Variants in EPHA5 observed in about 807,000 individuals in gnomAD.
EPHA5 encodes the protein EPH receptor A5.
EPHA5 carries 60 observed loss-of-function variants against 105.0 expected under a neutral mutation model. The observed-to-expected ratio is 0.57, with a 90% CI of 0.46 to 0.71. The LOEUF is 0.71. EPHA5 is among the 30% of genes least tolerant of loss of function. The probability of loss-of-function intolerance (pLI) is 0.00; values close to 1 mark genes in which losing one functional copy is unlikely to be tolerated. For synonymous variants in EPHA5, 513 were observed against 449.1 expected (o/e 1.14, Z -1.80); for missense variants, 1,218 against 1,274.7 (o/e 0.96, Z 0.68).
chr4:65,506,075 C>T (rs1040776438), intron 3 of EPHA5, among the ~76,000 whole-genome samples: 1 of 152,088 alleles, frequency 6.6e-6, no homozygotes, highest in African/African-American at 2.4e-5. Flanking sequence ...TGTACAATTC[C>T]CACCTATGAG....
intron 2 of EPHA5, among the ~76,000 whole-genome samples, chr4:65,621,588 C>T (rs1310527488): frequency 6.6e-6 from 1 of 151,938 alleles, no homozygotes; most frequent in Admixed American, 6.6e-5. Context: ...TTTTGTAGAA[C>T]AAATAAATGA....
intron 2 of EPHA5, among the ~76,000 whole-genome samples, chr4:65,620,861 A>T (rs1232362828): frequency 3.9e-5 from 6 of 152,164 alleles, no homozygotes; most frequent in Admixed American, 3.9e-4. Flanking sequence ...AATTTCCCAT[A>T]TGCTTTTTCC....
intron 3 of EPHA5, among the ~76,000 whole-genome samples, chr4:65,570,594 G>T (rs531137296): frequency 1.3e-5 from 2 of 151,404 alleles, no homozygotes; most frequent in East Asian, 1.9e-4. Flanking sequence ...GTTACTCTAG[G>T]ATAAAAAAAG....
In EPHA5 at chr4:65,670,039, T is replaced by C; in HGVS notation, c.-297A>G. 5.3e-6 allele frequency: 2 copies of C among 380,944 alleles called. No individual in the cohort carries two copies. Among genetic ancestry groups the C allele is most frequent in the East Asian group, 3.9e-5 (1 of 25,818 alleles). 23.6% of individuals were successfully genotyped at this position (380,944 alleles called of 1,614,324 possible). On this transcript the variant is annotated 5_prime_UTR_variant, in exon 1 of 17. Coordinates refer to ENST00000613740, the MANE Select transcript of EPHA5 (RefSeq NM_001281766.3). Reference sequence around the variant, plus strand: ...CGAGAGGGTCCTGGGTCCTGTTCCTTTGCCTTTCAAAAAGACTTTTTACGG... The same window carrying C: ...CGAGAGGGTCCTGGGTCCTGTTCCTCTGCCTTTCAAAAAGACTTTTTACGG...
At chr4:65,528,456 T>C (rs1008428743) in intron 3 of EPHA5, among the ~76,000 whole-genome samples, 1 of 151,980 alleles carries the variant, frequency 6.6e-6, no homozygotes, top group South Asian at 2.1e-4. Context: ...CCTCCTATCC[T>C]TAAGAGAAAA....
At chr4:65,558,759 T>G (rs751398024) in intron 3 of EPHA5, among the ~76,000 whole-genome samples, 6 of 152,080 alleles carry the variant, frequency 3.9e-5, no homozygotes, top group Non-Finnish European at 7.4e-5. Flanking sequence ...TTACAAAAAA[T>G]AGAAAATAAT....
chr4:65,328,202 G>C (rs1720264322), intron 16 of EPHA5, among the ~76,000 whole-genome samples: 1 of 150,968 alleles, frequency 6.6e-6, no homozygotes, highest in Non-Finnish European at 1.5e-5. Flanking sequence ...AACATGACGA[G>C]ACTAGCATTG....
chr4:65,638,194 C>A (rs2149504619), intron 2 of EPHA5, among the ~76,000 whole-genome samples: 1 of 152,154 alleles, frequency 6.6e-6, no homozygotes, highest in African/African-American at 2.4e-5. Context: ...ATTTATAAGG[C>A]ATTTTGAATT....
At chr4:65,654,519 A>G (rs931179244) in intron 1 of EPHA5, among the ~76,000 whole-genome samples, 2 of 151,648 alleles carry the variant, frequency 1.3e-5, no homozygotes, top group Admixed American at 6.6e-5. Flanking sequence ...ATTATCATTC[A>G]GTCTTCTAAT....
intron 3 of EPHA5, among the ~76,000 whole-genome samples, chr4:65,533,941 AT>A (rs1736059574): frequency 7.7e-6 from 1 of 130,362 alleles, no homozygotes; most frequent in Non-Finnish European, 1.7e-5. Context: ...TCAAAAAAAA[AT>A]AAATAAATAA....
Position 65,645,515 on chromosome 4 carries a change from A to C in EPHA5, c.182-2088T>G, listed in dbSNP as rs10003967. Among the ~76,000 whole-genome samples the C allele has an allele frequency of 2.1e-3, 320 of 152,276 alleles. 1 individual carries two copies. Among genetic ancestry groups the C allele is most frequent in the African/African-American group, 7.1e-3 (296 of 41,562 alleles). On this transcript the variant is annotated intron_variant, in intron 1 of 16. Coordinates refer to ENST00000613740, the MANE Select transcript of EPHA5 (RefSeq NM_001281766.3). Reference sequence around the variant, plus strand: ...CAGCATTCCTTGTAGACCTCTTACTAATATGAAATATGAAGTATTATCAAC... The same window carrying C: ...CAGCATTCCTTGTAGACCTCTTACTCATATGAAATATGAAGTATTATCAAC...
At chr4:65,444,271 T>A (rs1453969818) in intron 5 of EPHA5, among the ~76,000 whole-genome samples, 1 of 152,166 alleles carries the variant, frequency 6.6e-6, no homozygotes, top group African/African-American at 2.4e-5. Context: ...ATAATATCTA[T>A]CCTTAAGTTG....
intron 3 of EPHA5, among the ~76,000 whole-genome samples, chr4:65,499,671 T>C (rs1340683729): frequency 6.6e-6 from 1 of 151,568 alleles, no homozygotes; most frequent in Non-Finnish European, 1.5e-5. Flanking sequence ...TTCCAAGTAA[T>C]ATTTAAAAAC....
At chr4:65,669,121 G>C (rs1459956083) in intron 1 of EPHA5, among the ~76,000 whole-genome samples, 1 of 151,878 alleles carries the variant, frequency 6.6e-6, no homozygotes, top group Non-Finnish European at 1.5e-5. Flanking sequence ...CTCAAATAAC[G>C]GTTTCTAAAA....
chr4:65,571,832 G>A (rs1211737769), intron 3 of EPHA5, among the ~76,000 whole-genome samples: 3 of 151,732 alleles, frequency 2.0e-5, no homozygotes, highest in African/African-American at 4.8e-5. Context: ...TCAGTATTTC[G>A]GGTCCAAAGT....
chr4:65,657,102 CAAT>C (rs908242656), intron 1 of EPHA5, among the ~76,000 whole-genome samples: 22 of 152,048 alleles, frequency 1.4e-4, no homozygotes, highest in East Asian at 1.2e-3. Context: ...TTAATAACAA[CAAT>C]GTTTCTGCTG....
At chr4:65,663,486 A>T (rs1749712993) in intron 1 of EPHA5, among the ~76,000 whole-genome samples, 1 of 152,070 alleles carries the variant, frequency 6.6e-6, no homozygotes, top group African/African-American at 2.4e-5. Flanking sequence ...AAAACAAAAA[A>T]CAAGACCTTC....
intron 5 of EPHA5, among the ~76,000 whole-genome samples, chr4:65,467,179 G>T (rs1038086953): frequency 1.3e-5 from 2 of 152,066 alleles, no homozygotes; most frequent in Non-Finnish European, 2.9e-5. Context: ...TCAGCAGAAT[G>T]AGCAAGGAAA....
intron 2 of EPHA5, among the ~76,000 whole-genome samples, chr4:65,615,480 A>G (rs7688518): frequency 0.87 from 132,187 of 151,778 alleles, 57,894 homozygotes; most frequent in Non-Finnish European, 0.91. Flanking sequence ...CCAGAAGAAA[A>G]TAGAATGACA....
Sources: gnomAD v4.1 joint callset for allele counts (sites outside exome capture counted in the v4.1 genomes callset) on GRCh38, gnomAD v4.1.1 for gene constraint, MANE v1.5 for transcripts, NCBI Gene and HGNC (gene_info 2026-07-23, HGNC 2026-07-21) for gene names.